Variants in BCLAF1 observed in about 807,000 individuals in gnomAD.
The protein encoded by BCLAF1 is bcl-2-associated transcription factor 1.
In BCLAF1, 10 loss-of-function variants were observed where a neutral mutation model predicts 99.5. The ratio of observed to expected loss-of-function variants is 0.10; its 90% CI spans 0.06 to 0.17. The LOEUF (loss-of-function observed/expected upper bound fraction) is 0.17, where lower values mean the gene tolerates loss of function less well. BCLAF1 is among the 10% of genes least tolerant of loss of function. The probability of loss-of-function intolerance (pLI) is 1.00; values close to 1 mark genes in which losing one functional copy is unlikely to be tolerated. For missense variants in BCLAF1, 636 were observed against 1,105.8 expected, an observed-to-expected ratio of 0.58 and a Z score of 6.02; for synonymous variants, 255 against 370.9, an observed-to-expected ratio of 0.69 and a Z score of 3.59.
In BCLAF1 at chr6:136,275,712, T is replaced by A. The variant is rs375809991; in HGVS notation, c.1683-11A>T. Reference sequence around the variant, plus strand: ...GTCAAGGAAGCAGGTCTGGAACATATTGATAACACACACACACACAAAATA... The same window carrying A: ...GTCAAGGAAGCAGGTCTGGAACATAATGATAACACACACACACACAAAATA... On this transcript the variant is annotated splice_polypyrimidine_tract_variant and intron_variant, in intron 5 of 12. Coordinates refer to ENST00000531224, the MANE Select transcript of BCLAF1 (RefSeq NM_014739.3). 3.8e-6 allele frequency: 6 copies of A among 1,578,318 alleles called. No individual in the cohort carries two copies. The highest frequency in any genetic ancestry group is 3.7e-5 in the Admixed American group (2 of 53,844).
At chr6:136,281,603 T>C (rs1199691445) in intron 2 of BCLAF1, among the ~76,000 whole-genome samples, 1 of 152,244 alleles carries the variant, frequency 6.6e-6, no homozygotes, top group African/African-American at 2.4e-5. Context: ...AAACCAGAGC[T>C]GCAAATGATT....
intron 11 of BCLAF1, among the ~76,000 whole-genome samples, chr6:136,266,477 T>C (rs969099380): frequency 1.3e-5 from 2 of 152,078 alleles, no homozygotes; most frequent in South Asian, 2.1e-4. Context: ...AGCTTCATCC[T>C]TGAAAAACTA....
intron 1 of BCLAF1, among the ~76,000 whole-genome samples, chr6:136,283,168 G>A (rs545989384): frequency 3.6e-4 from 34 of 95,578 alleles, no homozygotes; most frequent in African/African-American, 1.4e-3. Context: ...AACACAGCAC[G>A]ACCCCATCTC....
chr6:136,262,338 GCC>G (rs1459890969), intron 11 of BCLAF1, among the ~76,000 whole-genome samples: 1 of 152,042 alleles, frequency 6.6e-6, no homozygotes, highest in Admixed American at 6.6e-5. Context: ...AAAGCAAAAT[GCC>G]CCTTTATTAG....
In BCLAF1 at chr6:136,271,968, G is replaced by GA. The variant is rs758993874; in HGVS notation, c.2043+26dup. On this transcript the variant is annotated intron_variant, in intron 8 of 12. Coordinates refer to ENST00000531224, the MANE Select transcript of BCLAF1 (RefSeq NM_014739.3). ...TCATTAACTAAGCTGAACTTAACACGAAAAAAAATTACATTCAAAAACATA... is the reference window on the plus strand; with the variant it reads ...TCATTAACTAAGCTGAACTTAACACGAAAAAAAAATTACATTCAAAAACATA... The GA allele has an allele frequency of 1.2e-5, 18 of 1,527,960 alleles. No individual in the cohort carries two copies. In the Middle Eastern group the frequency reaches 1.0e-3, roughly 87 times the overall value. The allele number at this position is 1,527,960 out of a possible 1,614,324, so 94.7% of individuals were successfully genotyped here.
chr6:136,264,037 A>G lies in BCLAF1; in HGVS notation c.2545-2560T>C, dbSNP rs1343925370. 2.6e-5 allele frequency among the ~76,000 whole-genome samples: 4 copies of G among 152,174 alleles called. No individual in the cohort carries two copies. In the East Asian group the frequency reaches 7.7e-4, roughly 29 times the overall value. On this transcript the variant is annotated intron_variant, in intron 11 of 12. Transcript: ENST00000531224. Reference sequence around the variant, plus strand: ...AAATCCTGACCCCATTGCACTAGCCACATAACTCTGCTTAAGCTACTCCAC... The same window carrying G: ...AAATCCTGACCCCATTGCACTAGCCGCATAACTCTGCTTAAGCTACTCCAC...
intron 11 of BCLAF1, among the ~76,000 whole-genome samples, chr6:136,263,053 A>G (rs1009165099): frequency 2.0e-5 from 3 of 152,206 alleles, no homozygotes; most frequent in African/African-American, 7.2e-5. Flanking sequence ...ATAGTGTGTA[A>G]TATGGATCTG....
At chr6:136,282,921 T>C (rs952713539) in intron 1 of BCLAF1, among the ~76,000 whole-genome samples, 7 of 152,098 alleles carry the variant, frequency 4.6e-5, no homozygotes, top group African/African-American at 1.7e-4. Flanking sequence ...TTTTAACTAC[T>C]TGAATTCTAA....
At chr6:136,273,679 T>C (rs1404748163) in intron 6 of BCLAF1, 1 of 156,328 alleles carries the variant, frequency 6.4e-6, no homozygotes, top group East Asian at 1.9e-4. Flanking sequence ...ACACTGAATA[T>C]TATCACCCAA....
chr6:136,276,306 CCT>C lies in BCLAF1; in HGVS notation c.1217_1218del (p.Glu406GlyfsTer3). The C allele has an allele frequency of 6.4e-7, 1 of 1,568,430 alleles. No homozygotes were observed. The stretch of plus-strand genomic sequence containing the variant: ...ACTGACTTCCTGAACTGTCTATAAT[CCT>C]CTGTCTCCTCTGTGTCATCCCCTTC... Reference protein sequence around the residue: ...DSEGDDTEETEDYRQFRKSVL... With the variant: ...DSEGDDTEETXDYRQFRKSVL... On this transcript the variant is annotated frameshift_variant, in exon 5 of 13. Transcript: ENST00000531224. LOFTEE classifies it high-confidence loss of function.
chr6:136,278,994 A>AACACACACACAC (rs71006795), intron 3 of BCLAF1, among the ~76,000 whole-genome samples: 4,601 of 145,430 alleles, frequency 0.032, 102 homozygotes, highest in East Asian at 0.047. Context: ...GAAGGCACAA[A>AACACACACACAC]ACACACACAC....
intron 7 of BCLAF1, 95 bp from the exon 8 acceptor site, chr6:136,272,174 C>G: frequency 1.2e-6 from 1 of 839,268 alleles, no homozygotes; most frequent in Non-Finnish European, 1.8e-6. Flanking sequence ...ACAGTTATTT[C>G]TCTCCCAATC....
chr6:136,280,616 AC>A (rs2128486853), intron 2 of BCLAF1, among the ~76,000 whole-genome samples: 1 of 148,552 alleles, frequency 6.7e-6, no homozygotes, highest in South Asian at 2.1e-4. Flanking sequence ...GAAAAAAAAA[AC>A]TTGGGCACCA....
intron 1 of BCLAF1, among the ~76,000 whole-genome samples, chr6:136,285,412 G>C (rs1028513058): frequency 2.0e-5 from 3 of 152,150 alleles, no homozygotes; most frequent in Non-Finnish European, 4.4e-5. Flanking sequence ...AGATGTGTTT[G>C]CCGTTTTTCG....
chr6:136,281,215 T>C (rs1041889517), intron 2 of BCLAF1, among the ~76,000 whole-genome samples: 2 of 152,172 alleles, frequency 1.3e-5, no homozygotes, highest in African/African-American at 4.8e-5. Context: ...CAATCCCAAG[T>C]AAGCAAGAAA....
chr6:136,261,067 G>C lies in BCLAF1; in HGVS notation c.*43C>G. On this transcript the variant is annotated 3_prime_UTR_variant, in exon 13 of 13. Transcript: ENST00000531224. ...AAACAAAAATCAGGTAAAAAAAATG[G>C]TGGGTGCAAGTTCTGCTCTGTTGTA... The C allele has an allele frequency of 1.3e-6, 2 of 1,506,986 alleles. No homozygotes were observed. Among genetic ancestry groups the C allele is most frequent in the East Asian group, 4.7e-5 (2 of 42,582 alleles). 93.4% of individuals were successfully genotyped at this position (1,506,986 alleles called of 1,614,324 possible).
chr6:136,262,321 G>A (rs777008725), intron 11 of BCLAF1, among the ~76,000 whole-genome samples: 1 of 152,076 alleles, frequency 6.6e-6, no homozygotes, highest in Non-Finnish European at 1.5e-5. Flanking sequence ...CCACAAAAAT[G>A]GGAAATAAAG....
chr6:136,261,143 TAAC>T, intron 12 of BCLAF1, 28 bp from the exon 13 acceptor site: 2 of 1,571,030 alleles, frequency 1.3e-6, no homozygotes, highest in Non-Finnish European at 8.6e-7. Flanking sequence ...AATTAAAGAT[TAAC>T]AAAAGATGCG....
intron 11 of BCLAF1, among the ~76,000 whole-genome samples, chr6:136,264,709 C>G (rs1193096318): frequency 6.6e-6 from 1 of 152,088 alleles, no homozygotes; most frequent in Admixed American, 6.6e-5. Context: ...ACCAAAGTTG[C>G]CATTTCAATG....
Sources: gnomAD v4.1 joint callset for allele counts (sites outside exome capture counted in the v4.1 genomes callset) on GRCh38, gnomAD v4.1.1 for gene constraint, MANE v1.5 for transcripts, NCBI Gene and HGNC (gene_info 2026-07-23, HGNC 2026-07-21) for gene names.